CUX1: variants seen among roughly 807,000 people sequenced by gnomAD.
CUX1 encodes the protein protein CASP.
A neutral mutation model predicts 158.8 loss-of-function variants in CUX1; 31 were observed. That is an observed-to-expected ratio of 0.20 (90% CI 0.15 to 0.26). The LOEUF is 0.26. Ranked by LOEUF, CUX1 falls within the 10% of genes least tolerant of loss-of-function variation. The probability of loss-of-function intolerance (pLI) is 1.00; values close to 1 mark genes in which losing one functional copy is unlikely to be tolerated. For missense variants in CUX1, 1,589 were observed against 2,014.6 expected, an observed-to-expected ratio of 0.79 and a Z score of 4.04; for synonymous variants, 879 against 862.1, an observed-to-expected ratio of 1.02 and a Z score of -0.34.
chr7:102,182,168 G>A, intron 11 of CUX1, among the ~76,000 whole-genome samples: 1 of 152,192 alleles, frequency 6.6e-6, no homozygotes, highest in Admixed American at 6.5e-5. Flanking sequence ...TGGAGTTGCA[G>A]GTGGTTTTCC....
intron 2 of CUX1, among the ~76,000 whole-genome samples, chr7:101,978,649 G>A (rs1322306258): frequency 6.6e-6 from 1 of 152,194 alleles, no homozygotes; most frequent in Admixed American, 6.5e-5. Context: ...CACATTCTGT[G>A]ACCCCACGTC....
At chr7:102,045,024 T>A (rs769400236) in intron 3 of CUX1, among the ~76,000 whole-genome samples, 42 of 152,168 alleles carry the variant, frequency 2.8e-4, no homozygotes, top group Non-Finnish European at 3.8e-4. Flanking sequence ...TTAGCCGTGG[T>A]GGTCACTGTG....
intron 10 of CUX1, among the ~76,000 whole-genome samples, chr7:102,177,047 A>C (rs551103933): frequency 2.0e-5 from 3 of 151,548 alleles, no homozygotes; most frequent in Non-Finnish European, 4.4e-5. Context: ...TTTTTTTCAC[A>C]TCAATTATCC....
At position 102,201,573 on chromosome 7, in the gene CUX1, C is replaced by G; in HGVS notation, c.2276C>G (p.Pro759Arg). The G allele has an allele frequency of 1.2e-6, 2 of 1,614,160 alleles. No homozygotes were observed. The highest frequency in any genetic ancestry group is 1.7e-6 in the Non-Finnish European group (2 of 1,180,012). The stretch of plus-strand genomic sequence containing the variant: ...ATGCCCACCGTGTCCAGCTACCCAC[C>G]TCTCGCCATCTCCCTGAAGAAGCCC... The part of the protein sequence containing the change: ...SPMPTVSSYP[P>R]LAISLKKPSA... Residue 759 changes from proline to arginine, a missense_variant, in exon 18 of 24, where the codon CCT becomes CGT. Physicochemically the swap from Pro to Arg is moderately radical, Grantham distance 103 (BLOSUM62 -2). Transcript: ENST00000292535. The surrounding 1 kb of genome is among the most constrained non-coding windows in gnomAD (Gnocchi z 5.0).
At position 102,235,798 on chromosome 7, in the gene CUX1, A is replaced by ACG. The variant is rs1194720469; in HGVS notation, c.3622+1562_3622+1563dup. ...CCCCGCCACACACACACACACACACACGCGCACACAACATCTGAGCCAGGG... is the reference window on the plus strand; with the variant it reads ...CCCCGCCACACACACACACACACACACGCGCGCACACAACATCTGAGCCAGGG... On this transcript the variant is annotated intron_variant, in intron 22 of 23. Coordinates refer to ENST00000292535, the MANE Select transcript of CUX1 (RefSeq NM_181552.4). 5.7e-3 allele frequency among the ~76,000 whole-genome samples: 774 copies of ACG among 135,622 alleles called. 7 individuals are homozygous for ACG. The highest frequency in any genetic ancestry group is 8.4e-3 in the East Asian group (38 of 4,516). 89.0% of individuals were successfully genotyped at this position (135,622 alleles called of 152,430 possible). A position where few individuals can be genotyped will look rare whatever the true frequency, so the allele number is the denominator to read the frequency against.
intron 3 of CUX1, among the ~76,000 whole-genome samples, chr7:102,057,206 G>C (rs1824269191): frequency 6.6e-6 from 1 of 152,124 alleles, no homozygotes; most frequent in Admixed American, 6.6e-5. Flanking sequence ...TAGCCGAAAG[G>C]TTCTTTTCAA....
intron 1 of CUX1, among the ~76,000 whole-genome samples, chr7:101,864,914 A>T (rs1648021087): frequency 6.6e-6 from 1 of 152,228 alleles, no homozygotes; most frequent in Admixed American, 6.5e-5. Flanking sequence ...GCTTCATGAT[A>T]TATTAATATT....
intron 18 of CUX1, among the ~76,000 whole-genome samples, chr7:102,278,428 A>T (rs1347996302): frequency 6.6e-6 from 1 of 151,660 alleles, no homozygotes; most frequent in African/African-American, 2.4e-5. Context: ...CGTCTCTACT[A>T]AAAATACAAA....
chr7:101,974,304 G>A (rs1812378233), intron 2 of CUX1, among the ~76,000 whole-genome samples: 1 of 152,004 alleles, frequency 6.6e-6, no homozygotes, highest in African/African-American at 2.4e-5. Flanking sequence ...GTCTTACTGT[G>A]GCACACTCTC....
intron 16 of CUX1, 70 bp from the exon 17 acceptor site, chr7:102,200,001 C>T (rs570625091): frequency 1.7e-5 from 22 of 1,325,474 alleles, no homozygotes; most frequent in Admixed American, 1.5e-4. Context: ...ATCAGAATGA[C>T]GTCTTCGCGC....
chr7:102,067,575 T>A (rs996625117), intron 3 of CUX1, among the ~76,000 whole-genome samples: 1 of 150,766 alleles, frequency 6.6e-6, no homozygotes, highest in Non-Finnish European at 1.5e-5. Context: ...GAAAAAAAAA[T>A]AGAAATAAAG....
At position 102,257,102 on chromosome 7, in the gene CUX1, G is replaced by A. The variant is rs564934058; in HGVS notation, c.*8060G>A. 3.3e-5 allele frequency: 33 copies of A among 985,268 alleles called. No individual in the cohort carries two copies. The East Asian group carries it at 1.0e-3, about 31-fold the overall frequency. The allele number at this position is 985,268 out of a possible 1,614,324, so 61.0% of individuals were successfully genotyped here. ...TGCCAATCAGGTGTGAAGGTGAGGC[G>A]CCCTGCCTTGATCCCATGGGCCCAG... On this transcript the variant is annotated 3_prime_UTR_variant, in exon 24 of 24. Transcript: ENST00000292535.
rs202122745 is a variant in CUX1, at chr7:102,283,009, C to T, written c.1968-12C>T. 3.5e-5 allele frequency: 56 copies of T among 1,612,040 alleles called. No homozygotes were observed. In the African/African-American group the frequency reaches 4.8e-4, roughly 14 times the overall value. On this transcript the variant is annotated splice_polypyrimidine_tract_variant and intron_variant, in intron 22 of 22. Transcript: ENST00000292538. ...CACACTCGGCCTCAGCAAAGCTTCC[C>T]GTGTCCCCCAGGTTCGCTGACCACC...
chr7:101,902,712 C>T (rs1428071325), intron 1 of CUX1, among the ~76,000 whole-genome samples: 8 of 152,190 alleles, frequency 5.3e-5, no homozygotes, highest in East Asian at 3.9e-4. Context: ...GTCCTGCAGA[C>T]GGAGCAGTGG....
chr7:101,861,821 G>A (rs528284030), intron 1 of CUX1, among the ~76,000 whole-genome samples: 1 of 151,852 alleles, frequency 6.6e-6, no homozygotes, highest in African/African-American at 2.4e-5. Flanking sequence ...CTGGAGTGCG[G>A]TGGCACGATC....
intron 3 of CUX1, among the ~76,000 whole-genome samples, chr7:102,039,739 C>A (rs1015185083): frequency 1.3e-5 from 2 of 151,850 alleles, no homozygotes; most frequent in African/African-American, 4.8e-5. Context: ...CCCTTCCCTT[C>A]TAACCAGCCC....
chr7:102,062,477 A>G (rs1315318328), intron 3 of CUX1, among the ~76,000 whole-genome samples: 1 of 152,186 alleles, frequency 6.6e-6, no homozygotes, highest in Non-Finnish European at 1.5e-5. Flanking sequence ...ATACTGATTG[A>G]GAGCTAGATT....
At chr7:102,166,805 G>A (rs1791091635) in intron 9 of CUX1, among the ~76,000 whole-genome samples, 1 of 151,680 alleles carries the variant, frequency 6.6e-6, no homozygotes, top group Non-Finnish European at 1.5e-5. Flanking sequence ...TTTTTTCGAC[G>A]CCCTCAGGAC....
Position 102,276,582 on chromosome 7 carries a change from G to A in CUX1, c.1563+1223G>A, listed in dbSNP as rs941188702. ...CTCCTAAAGTGCTGGGATTACAGGC[G>A]TGAGCCACCGCGCTGGCCACTGCTT... On this transcript the variant is annotated intron_variant, in intron 17 of 22. Coordinates refer to the CUX1 transcript ENST00000292538. Among the ~76,000 whole-genome samples the A allele has an allele frequency of 7.2e-5, 11 of 152,214 alleles. No individual in the cohort carries two copies. The South Asian group carries it at 2.1e-3, about 29-fold the overall frequency.
Sources: gnomAD v4.1 joint callset for allele counts (sites outside exome capture counted in the v4.1 genomes callset) on GRCh38, gnomAD v4.1.1 for gene constraint, Gnocchi (gnomAD v3.1) non-coding constraint, MANE v1.5 for transcripts, NCBI Gene and HGNC (gene_info 2026-07-23, HGNC 2026-07-21) for gene names.